The following PDSS2 variants were observed in gnomAD, a reference collection of about 807,000 sequenced individuals.
The protein encoded by PDSS2 is decaprenyl diphosphate synthase subunit 2.
Under a neutral mutation model 44.5 loss-of-function variants are expected in PDSS2, and 31 were observed. The observed-to-expected ratio is 0.70, with a 90% confidence interval of 0.52 to 0.94. The LOEUF (loss-of-function observed/expected upper bound fraction) is 0.94. Among genes scored for constraint, PDSS2 ranks in the 40% least tolerant of loss-of-function variants. The pLI is 0.00. For synonymous variants in PDSS2, 157 were observed against 180.3 expected (o/e 0.87, Z 1.03); for missense variants, 452 against 482.2 (o/e 0.94, Z 0.59).
intron 1 of PDSS2, among the ~76,000 whole-genome samples, chr6:107,438,838 T>C (rs1488404560): frequency 7.9e-5 from 12 of 152,298 alleles, no homozygotes; most frequent in Admixed American, 7.8e-4. Flanking sequence ...ATGAGGCTCA[T>C]GTATAGGAGA....
At chr6:107,240,213 AT>A (rs1380190389) in intron 4 of PDSS2, among the ~76,000 whole-genome samples, 1 of 151,850 alleles carries the variant, frequency 6.6e-6, no homozygotes, top group African/African-American at 2.4e-5. Flanking sequence ...TTCAAGACTA[AT>A]TTGGGCAGTA....
chr6:107,158,149 G>T (rs2115098068), intron 7 of PDSS2, among the ~76,000 whole-genome samples: 1 of 151,394 alleles, frequency 6.6e-6, no homozygotes, highest in South Asian at 2.1e-4. Context: ...CACAGATGGA[G>T]GCAGGCAGAG....
intron 7 of PDSS2, among the ~76,000 whole-genome samples, chr6:107,193,053 G>T (rs1772435326): frequency 6.6e-6 from 1 of 152,218 alleles, no homozygotes; most frequent in African/African-American, 2.4e-5. Context: ...TTTTAGCCAA[G>T]CAGCTGTACA....
intron 2 of PDSS2, among the ~76,000 whole-genome samples, chr6:107,281,401 C>A (rs1201503776): frequency 6.6e-6 from 1 of 152,124 alleles, no homozygotes; most frequent in Non-Finnish European, 1.5e-5. Flanking sequence ...TTGTTAGAGT[C>A]TTGTTATATG....
Position 107,334,181 on chromosome 6 carries a change from G to T in PDSS2, c.431+17C>A, listed in dbSNP as rs192411971. On this transcript the variant is annotated intron_variant, in intron 2 of 7. Coordinates refer to ENST00000369037, the MANE Select transcript of PDSS2 (RefSeq NM_020381.4). Reference sequence around the variant, plus strand: ...CACGATGTAGAGAGCAATGTCAAAAGACTAAATTCTTCTTACCATGAGTAG... The same window carrying T: ...CACGATGTAGAGAGCAATGTCAAAATACTAAATTCTTCTTACCATGAGTAG... 1 of 1,611,502 alleles carries T rather than the reference G, an allele frequency of 6.2e-7. No individual in the cohort carries two copies. The highest frequency in any genetic ancestry group is 1.1e-5 in the South Asian group (1 of 91,020).
At chr6:107,168,855 C>G (rs552916769) in intron 7 of PDSS2, among the ~76,000 whole-genome samples, 97 of 152,302 alleles carry the variant, frequency 6.4e-4, no homozygotes, top group African/African-American at 2.2e-3. Flanking sequence ...CGCTGTTAGT[C>G]TGATGGGCTT....
rs865985881 is a variant in PDSS2 at position 107,225,135 on chromosome 6, T to A, written c.703-12853A>T. Among the ~76,000 whole-genome samples, 56 of 36,472 alleles carry A rather than the reference T, an allele frequency of 1.5e-3. 2 individuals are homozygous for A. The highest frequency in any genetic ancestry group is 7.1e-3 in the African/African-American group (31 of 4,348). The allele number at this position is 36,472 out of a possible 152,430, so 23.9% of individuals were successfully genotyped here. A position where few individuals can be genotyped will look rare whatever the true frequency, so the allele number is the denominator to read the frequency against. On this transcript the variant is annotated intron_variant, in intron 4 of 7. Transcript: ENST00000369037. ...GAAGGAAGCTTCACTATATATATAT[T>A]TTTATATATATATATATATATATAT... is the stretch of plus-strand genomic sequence containing the variant.
intron 1 of PDSS2, among the ~76,000 whole-genome samples, chr6:107,437,525 CA>C (rs60133518): frequency 0.05 from 6,269 of 125,384 alleles, 95 homozygotes; most frequent in South Asian, 0.097. Context: ...ACCCTGTCTC[CA>C]AAAAAAAAAA....
Position 107,324,525 on chromosome 6 carries a change from T to TA in PDSS2, c.431+9672dup, listed in dbSNP as rs1777478575. Among the ~76,000 whole-genome samples the TA allele has an allele frequency of 2.6e-5, 4 of 152,276 alleles. No homozygotes were observed. The South Asian group carries it at 8.3e-4, about 32-fold the overall frequency. ...ATACAAAATAACATGAATAGGTTATTAAAAAACTGAAATACTACAAATAAA... is the reference window on the plus strand; with the variant it reads ...ATACAAAATAACATGAATAGGTTATTAAAAAAACTGAAATACTACAAATAAA... On this transcript the variant is annotated intron_variant, in intron 2 of 7. Coordinates refer to ENST00000369037, the MANE Select transcript of PDSS2 (RefSeq NM_020381.4).
At chr6:107,411,613 C>T (rs1253448452) in intron 1 of PDSS2, among the ~76,000 whole-genome samples, 1 of 152,124 alleles carries the variant, frequency 6.6e-6, no homozygotes, top group African/African-American at 2.4e-5. Flanking sequence ...TGTGTCAGTA[C>T]TGGGTATATA....
At chr6:107,162,394 G>C (rs2114294886) in intron 7 of PDSS2, among the ~76,000 whole-genome samples, 1 of 149,300 alleles carries the variant, frequency 6.7e-6, no homozygotes, top group Middle Eastern at 3.4e-3. Context: ...TTGGGAGACT[G>C]AGGCAGGAGA....
intron 1 of PDSS2, among the ~76,000 whole-genome samples, chr6:107,399,624 T>C (rs1045303653): frequency 6.6e-6 from 1 of 152,228 alleles, no homozygotes; most frequent in Non-Finnish European, 1.5e-5. Context: ...GTGCTATTCA[T>C]TTTTAAAAAC....
In PDSS2 at chr6:107,459,455, T is replaced by G. The variant is rs1375379061; in HGVS notation, c.-170A>C. ...CCAGAAACGAACTTTAACTGCTGCT[T>G]TCTGCAGCCCAGGCTGGGCAAACAA... On this transcript the variant is annotated 5_prime_UTR_variant, in exon 1 of 8. Coordinates refer to ENST00000369037, the MANE Select transcript of PDSS2 (RefSeq NM_020381.4). The surrounding 1 kb of genome is among the most constrained non-coding windows in gnomAD (Gnocchi z 4.3). The G allele has an allele frequency of 1.6e-6, 1 of 624,718 alleles. No individual in the cohort carries two copies. Among genetic ancestry groups the G allele is most frequent in the Non-Finnish European group, 2.8e-6 (1 of 353,256 alleles). The allele number at this position is 624,718 out of a possible 1,614,324, so 38.7% of individuals were successfully genotyped here.
intron 1 of PDSS2, among the ~76,000 whole-genome samples, chr6:107,361,650 T>TA (rs1299000710): frequency 6.6e-6 from 1 of 152,220 alleles, no homozygotes; most frequent in African/African-American, 2.4e-5. Context: ...ATCACACATG[T>TA]AACACTATCC....
intron 1 of PDSS2, among the ~76,000 whole-genome samples, chr6:107,447,197 A>G (rs319084): frequency 0.92 from 139,391 of 152,018 alleles, 64,146 homozygotes; most frequent in African/African-American, 0.98. Context: ...TTAGCCAGGC[A>G]TGGTGGTGGG....
intron 2 of PDSS2, among the ~76,000 whole-genome samples, chr6:107,278,441 G>C (rs1451147359): frequency 6.6e-6 from 1 of 152,112 alleles, no homozygotes; most frequent in East Asian, 1.9e-4. Flanking sequence ...ACTATCCTGC[G>C]AATGATTTCT....
intron 3 of PDSS2, among the ~76,000 whole-genome samples, chr6:107,256,529 C>A (rs1321660316): frequency 6.6e-6 from 1 of 152,090 alleles, no homozygotes; most frequent in Non-Finnish European, 1.5e-5. Flanking sequence ...GGTTTGTACT[C>A]TAAAGGCAGG....
intron 3 of PDSS2, among the ~76,000 whole-genome samples, chr6:107,254,028 TTTCTTTC>T (rs1438338557): frequency 1.3e-5 from 2 of 149,822 alleles, no homozygotes; most frequent in East Asian, 4.1e-4. Flanking sequence ...TTTTTCTTTC[TTTCTTTC>T]TTTTTTTTTT....
At chr6:107,322,565 C>T (rs1176561814) in intron 2 of PDSS2, among the ~76,000 whole-genome samples, 4 of 151,766 alleles carry the variant, frequency 2.6e-5, no homozygotes, top group African/African-American at 9.7e-5. Context: ...AAACTTGAGG[C>T]CGGGTGTGGT....
Sources: gnomAD v4.1 joint callset for allele counts (sites outside exome capture counted in the v4.1 genomes callset) on GRCh38, gnomAD v4.1.1 for gene constraint, Gnocchi (gnomAD v3.1) non-coding constraint, MANE v1.5 for transcripts, NCBI Gene and HGNC (gene_info 2026-07-23, HGNC 2026-07-21) for gene names.